Variants in CKB observed in about 807,000 individuals in gnomAD.
The protein encoded by CKB is creatine kinase B.
CKB carries 15 observed loss-of-function variants against 36.9 expected under a neutral mutation model. That is an observed-to-expected ratio of 0.41 (90% CI 0.27 to 0.63). The LOEUF is 0.63. CKB is among the 20% of genes least tolerant of loss of function. CKB has a pLI of 0.34. For synonymous variants in CKB, 250 were observed against 228.2 expected (o/e 1.10, Z -0.86); for missense variants, 413 against 534.9 (o/e 0.77, Z 2.25).
At position 103,520,017 on chromosome 14, in the gene CKB, G is replaced by A. The variant is rs778371210; in HGVS notation, c.993C>T (p.Gly331=). The A allele has an allele frequency of 1.9e-6, 3 of 1,609,984 alleles. No individual in the cohort carries two copies. Among genetic ancestry groups the A allele is most frequent in the African/African-American group, 1.3e-5 (1 of 75,036 alleles). ...GTGGVDTAAV[G]GVFDVSNADR... ...CAGCGTTGGAGACGTCGAAGACCCCGCCCACCGCAGCCGTGTCCACACCGC... is the reference window on the plus strand; with the variant it reads ...CAGCGTTGGAGACGTCGAAGACCCCACCCACCGCAGCCGTGTCCACACCGC... Residue 331 remains glycine (G), a synonymous_variant, in exon 8 of 8, where the codon GGC becomes GGT. Coordinates refer to ENST00000348956, the MANE Select transcript of CKB (RefSeq NM_001823.5).
At chr14:103,521,096 C>A in intron 5 of CKB, 167 bp downstream of exon 5, 1 of 870,034 alleles carries the variant, frequency 1.1e-6, no homozygotes, top group East Asian at 2.6e-5. Flanking sequence ...GTCACCGGCG[C>A]AGGAGGAGGC....
chr14:103,521,297 T>C lies in CKB; in HGVS notation c.619A>G (p.Met207Val), dbSNP rs769578998. The part of the protein sequence containing the change: ...PVSPLLLASG[M>V]ARDWPDARGI... ...CGGGCGTCGGGCCAGTCGCGGGCCA[T>C]GCCCGAGGCCAGCAGCAGGGGCGAC... The change falls in exon 5 of 8, where the codon ATG (methionine) becomes GTG (valine). Residue 207 changes from methionine (M) to valine (V), a missense_variant. Physicochemically the swap from Met to Val is conservative, Grantham distance 21. Transcript: ENST00000348956. 6 of 1,604,530 alleles carry C rather than the reference T, an allele frequency of 3.7e-6. No individual in the cohort carries two copies. The highest frequency in any genetic ancestry group is 5.1e-6 in the Non-Finnish European group (6 of 1,177,898).
Position 103,520,150 on chromosome 14 carries a change from C to T in CKB, c.939G>A (p.Lys313=), listed in dbSNP as rs2075890061. Residue 313 remains lysine, a synonymous_variant, in exon 7 of 8, where the codon AAG becomes AAA. Coordinates refer to ENST00000348956, the MANE Select transcript of CKB (RefSeq NM_001823.5). ...TGCCTCGCTTCTGAAGTCGCAGCCG[C>T]TTAAGCACCTCCGAGAACTTCTCAT... ...GKHEKFSEVL[K]RLRLQKRGTG... 6.2e-7 allele frequency: 1 copy of T among 1,607,070 alleles called. No homozygotes were observed. The highest frequency in any genetic ancestry group is 1.1e-5 in the South Asian group (1 of 90,846).
At position 103,522,015 on chromosome 14, in the gene CKB, C is replaced by T; in HGVS notation, c.348+8G>A. The T allele has an allele frequency of 6.5e-7, 1 of 1,543,818 alleles. No individual in the cohort carries two copies. The highest frequency in any genetic ancestry group is 1.2e-5 in the South Asian group (1 of 83,694). On this transcript the variant is annotated splice_region_variant and intron_variant, in intron 3 of 7. Transcript: ENST00000348956. This position sits in a 1 kb window ranked among gnomAD's most constrained non-coding sequence, Gnocchi z 6.7. ...CCCCGCCCGCCCGGCCCGCCCGCAG[C>T]CCCGCACCTGCAGGTTGTCGGGGTT...
chr14:103,521,038 GC>G (rs2075896501), intron 5 of CKB: 1 of 681,632 alleles, frequency 1.5e-6, no homozygotes, highest in Non-Finnish European at 2.6e-6. Flanking sequence ...TGAGTCCTGA[GC>G]CCCCACGGGC....
rs2075911253 is a variant in CKB, at chr14:103,522,465, A to C, written c.29T>G (p.Leu10Arg). The C allele has an allele frequency of 9.3e-6, 15 of 1,604,596 alleles. No homozygotes were observed. Among genetic ancestry groups the C allele is most frequent in the African/African-American group, 1.4e-5 (1 of 73,888 alleles). The part of the protein sequence containing the change: MPFSNSHNA[L>R]KLRFPAEDEF... ...GTCCTCGGCCGGGAAGCGCAGCTTC[A>C]GTGCGTTGTGGCTGTTGGAGAAGGG... Residue 10 changes from leucine (L) to arginine (R), a missense_variant, in exon 2 of 8, where the codon CTG (leucine) becomes CGG (arginine). By Grantham distance (102) the Leu-to-Arg change is moderately radical. This residue lies in a region of CKB where 74 missense variants were observed against 70.6 expected (regional missense o/e 1.05). Coordinates refer to ENST00000348956, the MANE Select transcript of CKB (RefSeq NM_001823.5). The surrounding 1 kb of genome is among the most constrained non-coding windows in gnomAD (Gnocchi z 6.7).
At chr14:103,521,783 G>A in intron 4 of CKB, 35 bp downstream of exon 4, 3 of 1,354,626 alleles carry the variant, frequency 2.2e-6, no homozygotes, top group Non-Finnish European at 2.8e-6. Flanking sequence ...AGGGGGACGC[G>A]GCCGCCGCCG....
chr14:103,521,211 C>T, intron 5 of CKB, 52 bp downstream of exon 5: 1 of 1,529,478 alleles, frequency 6.5e-7, no homozygotes, highest in Non-Finnish European at 8.8e-7. Context: ...AGAGGGAAAG[C>T]GGAGGTAGCG....
At chr14:103,521,620 C>A in intron 4 of CKB, 186 bp from the exon 5 acceptor site, 1 of 908,230 alleles carries the variant, frequency 1.1e-6, no homozygotes, top group Non-Finnish European at 1.5e-6. Context: ...CAGGACCCGC[C>A]CTCCCTGGGC....
chr14:103,521,468 G>C, intron 4 of CKB, 34 bp from the exon 5 acceptor site: 1 of 1,477,260 alleles, frequency 6.8e-7, no homozygotes, highest in Non-Finnish European at 8.9e-7. Flanking sequence ...CTCGGCTCCC[G>C]CGCCCGCCCC....
At position 103,522,271 on chromosome 14, in the gene CKB, C is replaced by T. The variant is rs1040053283; in HGVS notation, c.193+30G>A. ...TGCGGCTGCGCGGGGGGAGGGGGGGCCGGGACCCCGGCCCCGAGGGGTCGC... is the reference window on the plus strand; with the variant it reads ...TGCGGCTGCGCGGGGGGAGGGGGGGTCGGGACCCCGGCCCCGAGGGGTCGC... On this transcript the variant is annotated intron_variant, in intron 2 of 7. Coordinates refer to ENST00000348956, the MANE Select transcript of CKB (RefSeq NM_001823.5). The surrounding 1 kb of genome is among the most constrained non-coding windows in gnomAD (Gnocchi z 6.7). 1.9e-6 allele frequency: 3 copies of T among 1,581,442 alleles called. No individual in the cohort carries two copies. The highest frequency in any genetic ancestry group is 2.6e-6 in the Non-Finnish European group (3 of 1,167,858).
intron 5 of CKB, chr14:103,521,018 G>A (rs2075896340): frequency 3.2e-6 from 2 of 629,346 alleles, no homozygotes; most frequent in Non-Finnish European, 2.9e-6. Context: ...TCGGGGTGGG[G>A]AGGTGTTGCT....
Position 103,520,485 on chromosome 14 carries a change from C to T in CKB, c.761G>A (p.Cys254Tyr). 1 of 1,602,854 alleles carries T rather than the reference C, an allele frequency of 6.2e-7. No homozygotes were observed. Among genetic ancestry groups the T allele is most frequent in the Non-Finnish European group, 8.5e-7 (1 of 1,174,604 alleles). Residue 254 changes from cysteine to tyrosine, a missense_variant, in exon 6 of 8, where the codon TGC (cysteine) becomes TAC (tyrosine). Around this residue, in one of 3 missense-constraint regions of CKB, gnomAD observed 314 missense variants for 409.4 expected, o/e 0.77. Coordinates refer to ENST00000348956, the MANE Select transcript of CKB (RefSeq NM_001823.5). The part of the protein sequence containing the change: ...GNMKEVFTRF[C>Y]TGLTQIETLF... Reference sequence around the variant, plus strand: ...CCCTGGCACCTGGGTGAGGCCGGTGCAGAAGCGGGTGAACACCTCCTTCAT... The same window carrying T: ...CCCTGGCACCTGGGTGAGGCCGGTGTAGAAGCGGGTGAACACCTCCTTCAT...
intron 4 of CKB, 143 bp from the exon 5 acceptor site, chr14:103,521,577 C>G (rs1481697962): frequency 1.0e-6 from 1 of 968,638 alleles, no homozygotes; most frequent in Non-Finnish European, 1.4e-6. Context: ...GTCCTCACGG[C>G]CCGGGCGACG....
rs762398805 is a variant in CKB at position 103,521,928 on chromosome 14, T to C, written c.371A>G (p.Asn124Ser). The C allele has an allele frequency of 3.5e-5, 56 of 1,581,148 alleles. No individual in the cohort carries two copies. In the Admixed American group the frequency reaches 7.0e-4, roughly 20 times the overall value. The change falls in exon 4 of 8, where the codon AAC becomes AGC. Residue 124 changes from asparagine to serine, a missense_variant. By Grantham distance (46) the Asn-to-Ser change is conservative. Transcript: ENST00000348956. ...NLQGGDDLDP[N>S]YVLSSRVRTG... The stretch of plus-strand genomic sequence containing the variant: ...GCGCACCCGCGAGCTCAGCACGTAG[T>C]TGGGGTCCAGGTCGTCGCCGCCCTG...
In CKB at chr14:103,522,171, G is replaced by T. The variant is rs11545348; in HGVS notation, c.200C>A (p.Pro67Gln). 3 of 1,603,614 alleles carry T rather than the reference G, an allele frequency of 1.9e-6. No individual in the cohort carries two copies. Among genetic ancestry groups the T allele is most frequent in the East Asian group, 2.3e-5 (1 of 44,372 alleles). ...IQTGVDNPGH[P>Q]YIMTVGCVAG... ...CACGCAGCCCACGGTCATGATGTAC[G>T]GGTGGCCTGGGGGAGGGGGCGCGGG... Residue 67 changes from proline (P) to glutamine (Q), a missense_variant, in exon 3 of 8, where the codon CCG becomes CAG. Coordinates refer to ENST00000348956, the MANE Select transcript of CKB (RefSeq NM_001823.5). The surrounding 1 kb of genome is among the most constrained non-coding windows in gnomAD (Gnocchi z 6.7).
intron 6 of CKB, 63 bp from the exon 7 acceptor site, chr14:103,520,374 C>T (rs2075891896): frequency 6.3e-7 from 1 of 1,584,742 alleles, no homozygotes; most frequent in South Asian, 1.1e-5. Flanking sequence ...GGCCCTGAGA[C>T]TCCCCAGTGC....
chr14:103,520,918 C>T (rs1007145122), intron 5 of CKB, among the ~76,000 whole-genome samples: 1 of 151,982 alleles, frequency 6.6e-6, no homozygotes, highest in African/African-American at 2.4e-5. Context: ...AGAATCCCAG[C>T]GGCGGAGGAG....
Position 103,520,461 on chromosome 14 carries a change from C to A in CKB, c.777+8G>T, listed in dbSNP as rs771366122. The A allele has an allele frequency of 6.3e-7, 1 of 1,599,060 alleles. No individual in the cohort carries two copies. Among genetic ancestry groups the A allele is most frequent in the East Asian group, 2.3e-5 (1 of 44,326 alleles). On this transcript the variant is annotated splice_region_variant and intron_variant, in intron 6 of 7. Transcript: ENST00000348956. Reference sequence around the variant, plus strand: ...CCCTGGGGTCTGGGCCTGCCCCGTCCCTGGCACCTGGGTGAGGCCGGTGCA... The same window carrying A: ...CCCTGGGGTCTGGGCCTGCCCCGTCACTGGCACCTGGGTGAGGCCGGTGCA...
Sources: gnomAD v4.1 joint callset for allele counts (sites outside exome capture counted in the v4.1 genomes callset) on GRCh38, gnomAD v4.1.1 for gene constraint, gnomAD v4.1.1 regional missense constraint, Gnocchi (gnomAD v3.1) non-coding constraint, MANE v1.5 for transcripts, NCBI Gene and HGNC (gene_info 2026-07-23, HGNC 2026-07-21) for gene names.